Variants in RRAGD observed in about 807,000 individuals in gnomAD.
RRAGD encodes Ras related GTP binding D, also known as ras-related GTP-binding protein D.
A neutral mutation model predicts 35.5 loss-of-function variants in RRAGD; 12 were observed. The observed-to-expected ratio is 0.34, with a 90% CI of 0.22 to 0.55. RRAGD has a LOEUF of 0.55. RRAGD is among the 20% of genes least tolerant of loss of function. RRAGD has a pLI of 0.91. For synonymous variants in RRAGD, 155 were observed against 178.9 expected (o/e 0.87, Z 1.07); for missense variants, 324 against 490.1 (o/e 0.66, Z 3.20).
chr6:89,376,487 A>T (rs569359301), intron 5 of RRAGD, among the ~76,000 whole-genome samples: 1 of 152,308 alleles, frequency 6.6e-6, no homozygotes, highest in African/African-American at 2.4e-5. Context: ...AAAGAGGAAG[A>T]TGAGCAAAAG....
intron 1 of RRAGD, among the ~76,000 whole-genome samples, chr6:89,405,801 T>C (rs1482615384): frequency 6.6e-6 from 1 of 152,232 alleles, no homozygotes; most frequent in Non-Finnish European, 1.5e-5. Flanking sequence ...TGTTTCTATT[T>C]GCAGCTTTCT....
intron 5 of RRAGD, among the ~76,000 whole-genome samples, chr6:89,375,679 T>A (rs1398186706): frequency 6.6e-6 from 1 of 152,206 alleles, no homozygotes; most frequent in Non-Finnish European, 1.5e-5. Context: ...CAACCCTGCC[T>A]CCTGCTGGTT....
intron 2 of RRAGD, among the ~76,000 whole-genome samples, chr6:89,386,288 A>T (rs1333718397): frequency 3.3e-5 from 5 of 152,118 alleles, no homozygotes; most frequent in Admixed American, 3.3e-4. Context: ...CCTTCCTAAA[A>T]TGTATCTGCC....
intron 1 of RRAGD, among the ~76,000 whole-genome samples, chr6:89,391,384 CAAA>C (rs36108326): frequency 2.8e-5 from 3 of 107,836 alleles, no homozygotes; most frequent in African/African-American, 3.2e-5. Flanking sequence ...GACCCTGTCT[CAAA>C]AAAAAAAAAA....
chr6:89,407,835 A>G (rs1290084935), intron 1 of RRAGD, among the ~76,000 whole-genome samples: 3 of 151,968 alleles, frequency 2.0e-5, no homozygotes, highest in Admixed American at 1.3e-4. Flanking sequence ...TCTTATCCAG[A>G]ACTTGCTGTT....
chr6:89,373,479 G>A (rs555116173), intron 5 of RRAGD, among the ~76,000 whole-genome samples: 5 of 152,072 alleles, frequency 3.3e-5, no homozygotes, highest in Non-Finnish European at 7.4e-5. Context: ...CAGGCACCAC[G>A]TGGTGGCGCA....
chr6:89,404,368 C>T (rs1769538657), intron 1 of RRAGD, among the ~76,000 whole-genome samples: 1 of 152,168 alleles, frequency 6.6e-6, no homozygotes. Context: ...TTAACTGAAG[C>T]TTTAAAAAGA....
chr6:89,387,824 C>A (rs547286490), intron 1 of RRAGD, among the ~76,000 whole-genome samples: 82 of 152,246 alleles, frequency 5.4e-4, no homozygotes, highest in African/African-American at 1.9e-3. Flanking sequence ...TTGCTAAGTG[C>A]AAAACACTCA....
At chr6:89,391,623 G>A (rs1442178260) in intron 1 of RRAGD, among the ~76,000 whole-genome samples, 1 of 152,122 alleles carries the variant, frequency 6.6e-6, no homozygotes, top group African/African-American at 2.4e-5. Flanking sequence ...GAGAGCGACT[G>A]TTAACTGGTA....
chr6:89,372,317 G>T, intron 6 of RRAGD, 120 bp downstream of exon 6: 3 of 1,108,558 alleles, frequency 2.7e-6, no homozygotes, highest in Non-Finnish European at 2.5e-6. Flanking sequence ...GAGGGCCTGT[G>T]ACTGGCATCT....
intron 1 of RRAGD, among the ~76,000 whole-genome samples, chr6:89,394,321 T>C (rs977314957): frequency 6.6e-6 from 1 of 151,504 alleles, no homozygotes; most frequent in African/African-American, 2.4e-5. Flanking sequence ...AAATCAAGGA[T>C]AACAATAAAA....
intron 5 of RRAGD, among the ~76,000 whole-genome samples, chr6:89,376,273 TGTAA>T (rs969312963): frequency 6.6e-6 from 1 of 151,332 alleles, no homozygotes; most frequent in Non-Finnish European, 1.5e-5. Flanking sequence ...AATACAATCT[TGTAA>T]GTATCACTTT....
chr6:89,388,499 A>G (rs1428547754), intron 1 of RRAGD, among the ~76,000 whole-genome samples: 1 of 152,174 alleles, frequency 6.6e-6, no homozygotes, highest in African/African-American at 2.4e-5. Context: ...GATGTTATAT[A>G]TATTTTATCA....
rs551998303 is a variant in RRAGD at position 89,382,532 on chromosome 6, G to T, written c.445-2165C>A. On this transcript the variant is annotated intron_variant, in intron 2 of 6. Coordinates refer to ENST00000369415, the MANE Select transcript of RRAGD (RefSeq NM_021244.5). Reference sequence around the variant, plus strand: ...TGAGGTTACAATGAGCTATGATCTTGCCACTGCACTCCAACCTAGGTAACA... The same window carrying T: ...TGAGGTTACAATGAGCTATGATCTTTCCACTGCACTCCAACCTAGGTAACA... 2.2e-4 allele frequency among the ~76,000 whole-genome samples: 33 copies of T among 151,648 alleles called. 1 individual carries two copies. Among genetic ancestry groups the T allele is most frequent in the African/African-American group, 8.0e-4 (33 of 41,176 alleles).
intron 2 of RRAGD, among the ~76,000 whole-genome samples, chr6:89,380,846 G>T (rs1366006149): frequency 6.6e-6 from 1 of 151,152 alleles, no homozygotes; most frequent in African/African-American, 2.4e-5. Context: ...GGCAGAGATT[G>T]CAGTGAGCTG....
Position 89,366,861 on chromosome 6 carries a change from A to G in RRAGD, c.*1195T>C, listed in dbSNP as rs767299669. The G allele has an allele frequency of 5.3e-5, 8 of 152,150 alleles. No homozygotes were observed. The highest frequency in any genetic ancestry group is 1.0e-4 in the Non-Finnish European group (7 of 68,034). 9.4% of individuals were successfully genotyped at this position (152,150 alleles called of 1,614,324 possible). On this transcript the variant is annotated 3_prime_UTR_variant, in exon 7 of 7. Coordinates refer to ENST00000369415, the MANE Select transcript of RRAGD (RefSeq NM_021244.5). ...CCACTGACCTTTAGGGGTCTTCAGG[A>G]TGACTCTTCAGCCTTGCAGAGCATG...
intron 4 of RRAGD, 144 bp downstream of exon 4, chr6:89,379,080 A>G: frequency 1.9e-6 from 1 of 516,888 alleles, no homozygotes; most frequent in Non-Finnish European, 3.4e-6. Context: ...AGGATCTAAA[A>G]GAACACGTAG....
At chr6:89,379,189 T>C in intron 4 of RRAGD, 35 bp downstream of exon 4, 1 of 1,127,748 alleles carries the variant, frequency 8.9e-7, no homozygotes, top group Non-Finnish European at 1.3e-6. Context: ...TTTCAAATTC[T>C]ACAAGTGACT....
chr6:89,402,979 A>G (rs1428782631), intron 1 of RRAGD, among the ~76,000 whole-genome samples: 1 of 152,132 alleles, frequency 6.6e-6, no homozygotes, highest in African/African-American at 2.4e-5. Flanking sequence ...ACAAATGTCA[A>G]TGACACCTCC....
Sources: gnomAD v4.1 joint callset for allele counts (sites outside exome capture counted in the v4.1 genomes callset) on GRCh38, gnomAD v4.1.1 for gene constraint, MANE v1.5 for transcripts, NCBI Gene and HGNC (gene_info 2026-07-23, HGNC 2026-07-21) for gene names.